Variants in VPS16 observed in about 807,000 individuals in gnomAD.
The protein encoded by VPS16 is VPS16 core subunit of CORVET and HOPS complexes.
A neutral mutation model predicts 116.0 loss-of-function variants in VPS16; 82 were observed. That is an observed-to-expected ratio of 0.71 (90% CI 0.59 to 0.85). The LOEUF is 0.85. VPS16 is among the 40% of genes least tolerant of loss of function. The pLI is 0.00. For synonymous variants in VPS16, 406 were observed against 420.7 expected, an observed-to-expected ratio of 0.96 and a Z score of 0.43; for missense variants, 928 against 1,090.6, an observed-to-expected ratio of 0.85 and a Z score of 2.10.
In VPS16 at chr20:2,862,585, A is replaced by G. The variant is rs1334733735; in HGVS notation, c.1078A>G (p.Ser360Gly). ...CTGGACTGCTCCCCACCAGAAAGAG[A>G]GCCAGAAGGCGGACGAGTACCTGCG... ...LEAQKEYEKE[S>G]QKADEYLREI... The change falls in exon 12 of 24, where the codon AGC becomes GGC. Residue 360 changes from serine to glycine, a missense_variant. By Grantham distance (56) the Ser-to-Gly change is moderately conservative. Transcript: ENST00000380445. 1.9e-6 allele frequency: 3 copies of G among 1,613,230 alleles called. No individual in the cohort carries two copies. Among genetic ancestry groups the G allele is most frequent in the African/African-American group, 1.3e-5 (1 of 75,030 alleles).
At chr20:2,841,339 G>C (rs1023977635) in intron 1 of VPS16, 2 of 157,378 alleles carry the variant, frequency 1.3e-5, no homozygotes, top group Non-Finnish European at 2.8e-5. Context: ...TTTTTCTAAA[G>C]TGTAAACCCG....
chr20:2,850,142 CA>C (rs1223514451), intron 1 of VPS16, among the ~76,000 whole-genome samples: 1 of 151,896 alleles, frequency 6.6e-6, no homozygotes, highest in Non-Finnish European at 1.5e-5. Context: ...GCCAACATGG[CA>C]AAACCCCATC....
chr20:2,859,334 G>A (rs1045926955), intron 1 of VPS16, among the ~76,000 whole-genome samples: 4 of 152,196 alleles, frequency 2.6e-5, no homozygotes, highest in Non-Finnish European at 5.9e-5. Context: ...TTCTCTGAGA[G>A]ACCTTTTCTG....
chr20:2,849,122 G>A (rs1479986088), intron 1 of VPS16, among the ~76,000 whole-genome samples: 1 of 152,022 alleles, frequency 6.6e-6, no homozygotes, highest in Non-Finnish European at 1.5e-5. Flanking sequence ...AGTTTCATGT[G>A]GATCTAACCA....
Position 2,863,968 on chromosome 20 carries a change from CAGA to C in VPS16, c.1497_1499del (p.Asp500del). The C allele has an allele frequency of 6.2e-7, 1 of 1,613,986 alleles. No individual in the cohort carries two copies. Among genetic ancestry groups the C allele is most frequent in the East Asian group, 2.2e-5 (1 of 44,866 alleles). On this transcript the variant is annotated inframe_deletion, in exon 16 of 24. Coordinates refer to ENST00000380445, the MANE Select transcript of VPS16 (RefSeq NM_022575.4). This position sits in a 1 kb window ranked among gnomAD's most constrained non-coding sequence, Gnocchi z 4.4. ...TTGCAGGTGCAACAGAAGGATGTCT[CAGA>C]TGAGGATGTGGCTCGAGCCATTAAC... is the stretch of plus-strand genomic sequence containing the variant.
Position 2,864,094 on chromosome 20 carries a change from C to A in VPS16, c.1611+11C>A, listed in dbSNP as rs2089283089. Reference sequence around the variant, plus strand: ...GAGCTGGCCATCAAGGTGTGGGTGCCCAGCCCTCCACAGACACTCTGATGT... The same window carrying A: ...GAGCTGGCCATCAAGGTGTGGGTGCACAGCCCTCCACAGACACTCTGATGT... On this transcript the variant is annotated intron_variant, in intron 16 of 23. Coordinates refer to ENST00000380445, the MANE Select transcript of VPS16 (RefSeq NM_022575.4). The surrounding 1 kb of genome is among the most constrained non-coding windows in gnomAD (Gnocchi z 5.2). The A allele has an allele frequency of 6.2e-7, 1 of 1,613,564 alleles. No individual in the cohort carries two copies. Among genetic ancestry groups the A allele is most frequent in the African/African-American group, 1.3e-5 (1 of 74,916 alleles).
rs754805413 is a variant in VPS16, at chr20:2,865,122, T to C, written c.2005-26T>C. 1.7e-5 allele frequency: 27 copies of C among 1,614,006 alleles called. No homozygotes were observed. Among genetic ancestry groups the C allele is most frequent in the Non-Finnish European group, 2.0e-5 (24 of 1,180,002 alleles). On this transcript the variant is annotated intron_variant, in intron 20 of 23. Transcript: ENST00000380445. The surrounding 1 kb of genome is among the most constrained non-coding windows in gnomAD (Gnocchi z 5.2). ...CTTCCCTCCTGGTCCCTCATCCCCA[T>C]CATGCCTCATTATCCGGGTCCCCAG...
Position 2,859,907 on chromosome 20 carries a change from C to G in VPS16, c.142+100C>G. On this transcript the variant is annotated intron_variant, in intron 2 of 23. Transcript: ENST00000380445. Reference sequence around the variant, plus strand: ...CTGTCAGGTTGTTCTTGTTGCCACCCCCCACTCACCCTGCTGAGATGCTTT... The same window carrying G: ...CTGTCAGGTTGTTCTTGTTGCCACCGCCCACTCACCCTGCTGAGATGCTTT... 3 of 1,464,458 alleles carry G rather than the reference C, an allele frequency of 2.0e-6. No homozygotes were observed. In the East Asian group the frequency reaches 6.8e-5, roughly 33 times the overall value. 90.7% of individuals were successfully genotyped at this position (1,464,458 alleles called of 1,614,324 possible).
intron 1 of VPS16, among the ~76,000 whole-genome samples, chr20:2,857,510 C>CT (rs201180356): frequency 0.024 from 3,195 of 132,504 alleles, 140 homozygotes; most frequent in Admixed American, 0.1. Flanking sequence ...GTATTTCTTT[C>CT]TTTTTTTTTT....
At position 2,852,198 on chromosome 20, in the gene VPS16, G is replaced by A. The variant is rs148589708; in HGVS notation, c.54-7521G>A. On this transcript the variant is annotated intron_variant, in intron 1 of 23. Transcript: ENST00000380445. Reference sequence around the variant, plus strand: ...TGCTTTGCGGATGTGTGGCTGGGGCGGAGCAGTACTAGATATTCTCACACC... The same window carrying A: ...TGCTTTGCGGATGTGTGGCTGGGGCAGAGCAGTACTAGATATTCTCACACC... Among the ~76,000 whole-genome samples, 464 of 152,162 alleles carry A rather than the reference G, an allele frequency of 3.0e-3. 3 individuals carry two copies. Among genetic ancestry groups the A allele is most frequent in the African/African-American group, 0.01 (432 of 41,512 alleles).
chr20:2,852,166 G>A (rs1028216308), intron 1 of VPS16, among the ~76,000 whole-genome samples: 1 of 152,142 alleles, frequency 6.6e-6, no homozygotes, highest in Non-Finnish European at 1.5e-5. Context: ...ATGTTGCTGA[G>A]GGACCATGCT....
chr20:2,842,877 G>T (rs1451711948), intron 1 of VPS16, among the ~76,000 whole-genome samples: 34 of 148,804 alleles, frequency 2.3e-4, no homozygotes, highest in East Asian at 1.8e-3. Context: ...TAGATAGATA[G>T]ATGTATCTAT....
chr20:2,844,193 G>A (rs1443104949), intron 1 of VPS16, among the ~76,000 whole-genome samples: 1 of 152,184 alleles, frequency 6.6e-6, no homozygotes, highest in Non-Finnish European at 1.5e-5. Flanking sequence ...CACCAGAATG[G>A]AAATGCTTTA....
At chr20:2,859,641 T>A in intron 1 of VPS16, 78 bp from the exon 2 acceptor site, 1 of 1,491,474 alleles carries the variant, frequency 6.7e-7, no homozygotes, top group South Asian at 1.2e-5. Context: ...AAATGGAGGC[T>A]TTAGGAATTC....
intron 1 of VPS16, among the ~76,000 whole-genome samples, chr20:2,850,751 C>G (rs778641488): frequency 1.3e-5 from 2 of 151,108 alleles, no homozygotes; most frequent in Non-Finnish European, 3.0e-5. Context: ...GCAGATCACA[C>G]AAGCCCAGGA....
Position 2,860,373 on chromosome 20 carries a change from G to A in VPS16, c.369+6G>A. 1 of 1,614,100 alleles carries A rather than the reference G, an allele frequency of 6.2e-7. No homozygotes were observed. Among genetic ancestry groups the A allele is most frequent in the East Asian group, 2.2e-5 (1 of 44,882 alleles). On this transcript the variant is annotated splice_donor_region_variant and intron_variant, in intron 4 of 23. Coordinates refer to ENST00000380445, the MANE Select transcript of VPS16 (RefSeq NM_022575.4). This position sits in a 1 kb window ranked among gnomAD's most constrained non-coding sequence, Gnocchi z 6.1. ...GACACTTCAGCATGGGCAATGTAGG[G>A]GTCACAGAGGGCTGGGGACGCGGGG...
intron 1 of VPS16, among the ~76,000 whole-genome samples, chr20:2,856,256 C>CTT (rs2089171006): frequency 6.6e-6 from 1 of 152,112 alleles, no homozygotes; most frequent in East Asian, 1.9e-4. Flanking sequence ...AGAACACATA[C>CTT]AACATTTATC....
chr20:2,851,317 T>C (rs1253195222), intron 1 of VPS16, among the ~76,000 whole-genome samples: 2 of 152,094 alleles, frequency 1.3e-5, no homozygotes, highest in African/African-American at 2.4e-5. Context: ...AGTGTCAATA[T>C]GGCAAGGTAG....
At chr20:2,847,315 G>A (rs1396708717) in intron 1 of VPS16, among the ~76,000 whole-genome samples, 5 of 152,006 alleles carry the variant, frequency 3.3e-5, no homozygotes. Context: ...CCCAGCTCTT[G>A]CCACCTTCTA....
Sources: gnomAD v4.1 joint callset for allele counts (sites outside exome capture counted in the v4.1 genomes callset) on GRCh38, gnomAD v4.1.1 for gene constraint, Gnocchi (gnomAD v3.1) non-coding constraint, MANE v1.5 for transcripts, NCBI Gene and HGNC (gene_info 2026-07-23, HGNC 2026-07-21) for gene names.